Variants in PML observed in about 807,000 individuals in gnomAD.
The protein encoded by PML is protein PML.
A neutral mutation model predicts 65.2 loss-of-function variants in PML; 28 were observed. The ratio of observed to expected loss-of-function variants is 0.43; its 90% CI spans 0.32 to 0.59. The LOEUF (loss-of-function observed/expected upper bound fraction) is 0.59. Among genes scored for constraint, PML ranks in the 20% least tolerant of loss-of-function variants. The pLI is 0.08. For missense variants in PML, 1,021 were observed against 1,203.4 expected, an observed-to-expected ratio of 0.85 and a Z score of 2.24; for synonymous variants, 500 against 508.8, an observed-to-expected ratio of 0.98 and a Z score of 0.23.
Position 74,034,012 on chromosome 15 carries a change from T to C in PML, c.1658-466T>C, listed in dbSNP as rs114624347. The stretch of plus-strand genomic sequence containing the variant: ...TCCTCATTCTGACTGAGCCCTAGCC[T>C]TGGTCACACACTGAGCACTGACTGA... On this transcript the variant is annotated intron_variant, in intron 6 of 8. Transcript: ENST00000268058. 647 of 330,902 alleles carry C rather than the reference T, an allele frequency of 2.0e-3. 2 individuals are homozygous for C. The highest frequency in any genetic ancestry group is 0.013 in the African/African-American group (605 of 47,656). 20.5% of individuals were successfully genotyped at this position (330,902 alleles called of 1,614,324 possible). A position where few individuals can be genotyped will look rare whatever the true frequency, so the allele number is the denominator to read the frequency against.
At chr15:74,031,381 C>G (rs149720734) in intron 4 of PML, 1 of 325,648 alleles carries the variant, frequency 3.1e-6, no homozygotes, top group Non-Finnish European at 6.1e-6. Flanking sequence ...TCAAGCGATT[C>G]TCATGCCTCA....
chr15:74,002,444 CTTTTTT>C (rs71137368), intron 2 of PML, among the ~76,000 whole-genome samples: 9 of 104,748 alleles, frequency 8.6e-5, no homozygotes, highest in South Asian at 6.3e-4. Context: ...TCTTTCTTTT[CTTTTTT>C]TTTTTTTTTT....
intron 4 of PML, chr15:74,026,658 A>T (rs1398858687): frequency 1.3e-5 from 2 of 152,016 alleles, no homozygotes; most frequent in African/African-American, 4.8e-5. Flanking sequence ...ACTATCTTTT[A>T]AAAATTTCTT....
chr15:74,046,409 C>A lies in PML; in HGVS notation c.*1401C>A. 1 of 233,058 alleles carries A rather than the reference C, an allele frequency of 4.3e-6. No individual in the cohort carries two copies. Among genetic ancestry groups the A allele is most frequent in the East Asian group, 6.0e-5 (1 of 16,546 alleles). 14.4% of individuals were successfully genotyped at this position (233,058 alleles called of 1,614,324 possible). A position where few individuals can be genotyped will look rare whatever the true frequency, so the allele number is the denominator to read the frequency against. ...CTTCCCAAGCAGCCCAGGCCTCTAG[C>A]CTCCATGGCTGATGACCTCAGCTTT... is the stretch of plus-strand genomic sequence containing the variant. On this transcript the variant is annotated 3_prime_UTR_variant, in exon 9 of 9. Transcript: ENST00000268058.
At chr15:74,039,918 A>G (rs1022394125) in intron 7 of PML, among the ~76,000 whole-genome samples, 12 of 152,240 alleles carry the variant, frequency 7.9e-5, no homozygotes, top group African/African-American at 2.2e-4. Flanking sequence ...TACAATGCCA[A>G]TCCAGCCACT....
intron 2 of PML, among the ~76,000 whole-genome samples, chr15:74,006,455 A>G (rs1239415714): frequency 1.3e-5 from 2 of 151,828 alleles, no homozygotes; most frequent in Non-Finnish European, 2.9e-5. Flanking sequence ...TAGCATGGGT[A>G]TCACATCTAG....
chr15:73,998,434 T>C lies in PML; in HGVS notation c.560T>C (p.Ile187Thr). The C allele has an allele frequency of 6.2e-7, 1 of 1,613,956 alleles. No individual in the cohort carries two copies. Among genetic ancestry groups the C allele is most frequent in the Non-Finnish European group, 8.5e-7 (1 of 1,179,926 alleles). The change falls in exon 2 of 9, where the codon ATC becomes ACC. Residue 187 changes from isoleucine (I) to threonine (T), a missense_variant. Transcript: ENST00000268058. Reference sequence around the variant, plus strand: ...GACGGCACCCGCAAGACCAACAACATCTTCTGCTCCAACCCCAACCACCGC... The same window carrying C: ...GACGGCACCCGCAAGACCAACAACACCTTCTGCTCCAACCCCAACCACCGC... Reference protein sequence around the residue: ...FLDGTRKTNNIFCSNPNHRTP... With the variant: ...FLDGTRKTNNTFCSNPNHRTP...
At chr15:74,034,040 T>C (rs2071434127) in intron 6 of PML, 2 of 345,960 alleles carry the variant, frequency 5.8e-6, no homozygotes, top group South Asian at 2.8e-5. Flanking sequence ...CTGACTGATA[T>C]TCCTTACCCA....
chr15:74,013,641 C>T (rs2070431330), intron 2 of PML, among the ~76,000 whole-genome samples: 1 of 151,390 alleles, frequency 6.6e-6, no homozygotes, highest in Non-Finnish European at 1.5e-5. Context: ...AGAAGAGCTG[C>T]CCGTTCTCAC....
At chr15:74,029,789 G>A (rs767434344) in intron 4 of PML, among the ~76,000 whole-genome samples, 1 of 152,142 alleles carries the variant, frequency 6.6e-6, no homozygotes, top group Non-Finnish European at 1.5e-5. Flanking sequence ...GTCACAAGCT[G>A]CAGTTTGAAA....
At position 74,015,753 on chromosome 15, in the gene PML, A is replaced by C. The variant is rs148391666; in HGVS notation, c.603-7075A>C. Among the ~76,000 whole-genome samples, 462 of 152,316 alleles carry C rather than the reference A, an allele frequency of 3.0e-3. 3 individuals are homozygous for C. Among genetic ancestry groups the C allele is most frequent in the African/African-American group, 9.2e-3 (383 of 41,574 alleles). Reference sequence around the variant, plus strand: ...TACATAGCACTGTGCTGAGTCCTTCACATACACCAGCCTGTCTTTGTGCTT... The same window carrying C: ...TACATAGCACTGTGCTGAGTCCTTCCCATACACCAGCCTGTCTTTGTGCTT... On this transcript the variant is annotated intron_variant, in intron 2 of 8. Transcript: ENST00000268058.
At chr15:74,039,923 G>T (rs543600123) in intron 7 of PML, among the ~76,000 whole-genome samples, 8 of 152,276 alleles carry the variant, frequency 5.3e-5, no homozygotes, top group African/African-American at 1.9e-4. Context: ...TGCCAATCCA[G>T]CCACTTCCTC....
chr15:74,036,314 A>T (rs913295246), intron 7 of PML: 75 of 1,436,832 alleles, frequency 5.2e-5, no homozygotes, highest in Admixed American at 2.4e-4. Flanking sequence ...CTCTGCCAGG[A>T]TCTAAGCCCA....
At chr15:74,015,206 C>T (rs1355254082) in intron 2 of PML, among the ~76,000 whole-genome samples, 1 of 152,228 alleles carries the variant, frequency 6.6e-6, no homozygotes. Flanking sequence ...AATGCATTCA[C>T]TCTCTTCAAA....
chr15:73,997,105 G>A (rs1386251752), intron 1 of PML, among the ~76,000 whole-genome samples: 2 of 152,206 alleles, frequency 1.3e-5, no homozygotes. Context: ...TTTCCCATTG[G>A]CCACTTGGTG....
At chr15:74,024,025 C>T (rs755267641) in intron 3 of PML, among the ~76,000 whole-genome samples, 2 of 152,088 alleles carry the variant, frequency 1.3e-5, no homozygotes, top group Non-Finnish European at 2.9e-5. Flanking sequence ...GAGAATGAGA[C>T]AGTGCTCAGC....
intron 1 of PML, among the ~76,000 whole-genome samples, chr15:73,997,686 T>C (rs961098093): frequency 6.6e-6 from 1 of 152,360 alleles, no homozygotes; most frequent in South Asian, 2.1e-4. Flanking sequence ...AAGCACTTTA[T>C]ATGAGGTTGG....
Position 74,035,489 on chromosome 15 carries a change from T to A in PML, c.1710+959T>A, listed in dbSNP as rs1453882715. ...TTCGCCATGCCCTCCGCTTGCACCCTCAATTGCATCGGGCCCCTATTCGGA... is the reference window on the plus strand; with the variant it reads ...TTCGCCATGCCCTCCGCTTGCACCCACAATTGCATCGGGCCCCTATTCGGA... On this transcript the variant is annotated intron_variant, in intron 7 of 8. Coordinates refer to ENST00000268058, the MANE Select transcript of PML (RefSeq NM_033238.3). This position sits in a 1 kb window ranked among gnomAD's most constrained non-coding sequence, Gnocchi z 4.1. 1 of 1,612,122 alleles carries A rather than the reference T, an allele frequency of 6.2e-7. No homozygotes were observed. Among genetic ancestry groups the A allele is most frequent in the Non-Finnish European group, 8.5e-7 (1 of 1,179,926 alleles).
In PML at chr15:74,043,359, G is replaced by T. The variant is rs1237444728; in HGVS notation, c.1861+220G>T. ...CCTTATCCAGTGCCTGAGTGTGCGA[G>T]AGAGGCAGATGCCTCCACAAGTGCA... On this transcript the variant is annotated intron_variant, in intron 8 of 8. Coordinates refer to ENST00000268058, the MANE Select transcript of PML (RefSeq NM_033238.3). This position sits in a 1 kb window ranked among gnomAD's most constrained non-coding sequence, Gnocchi z 4.3. The T allele has an allele frequency of 7.6e-6, 11 of 1,442,586 alleles. No individual in the cohort carries two copies. Among genetic ancestry groups the T allele is most frequent in the Non-Finnish European group, 9.0e-6 (10 of 1,105,454 alleles). The allele number at this position is 1,442,586 out of a possible 1,614,324, so 89.4% of individuals were successfully genotyped here.
Sources: gnomAD v4.1 joint callset for allele counts (sites outside exome capture counted in the v4.1 genomes callset) on GRCh38, gnomAD v4.1.1 for gene constraint, Gnocchi (gnomAD v3.1) non-coding constraint, MANE v1.5 for transcripts, NCBI Gene and HGNC (gene_info 2026-07-23, HGNC 2026-07-21) for gene names.